CCDC192: variants seen among roughly 807,000 people sequenced by gnomAD.
CCDC192 encodes coiled-coil domain containing 192.
At chr5:127,918,919 GTA>G (rs899670038) in intron 6 of CCDC192, among the ~76,000 whole-genome samples, 6 of 151,608 alleles carry the variant, frequency 4.0e-5, no homozygotes, top group East Asian at 3.9e-4. Flanking sequence ...GCATATGTGT[GTA>G]TATGTGTGTC....
intron 5 of CCDC192, among the ~76,000 whole-genome samples, chr5:127,799,614 T>C (rs1757371030): frequency 6.6e-6 from 1 of 152,178 alleles, no homozygotes; most frequent in South Asian, 2.1e-4. Flanking sequence ...AAAGCTCAGA[T>C]ATTAGCTTCC....
At chr5:127,874,876 AATCCTTTG>A (rs1752006573) in intron 5 of CCDC192, among the ~76,000 whole-genome samples, 1 of 152,218 alleles carries the variant, frequency 6.6e-6, no homozygotes, top group Non-Finnish European at 1.5e-5. Flanking sequence ...TCTCGAGGTG[AATCCTTTG>A]ATTATGTAAC....
intron 3 of CCDC192, among the ~76,000 whole-genome samples, chr5:127,758,056 G>C (rs988194567): frequency 4.6e-5 from 7 of 151,962 alleles, no homozygotes; most frequent in Admixed American, 4.6e-4. Flanking sequence ...AGCAGTGGAA[G>C]CTTGCAATAT....
chr5:127,862,035 T>C (rs1424321952), intron 5 of CCDC192, among the ~76,000 whole-genome samples: 6 of 152,210 alleles, frequency 3.9e-5, no homozygotes, highest in African/African-American at 9.6e-5. Flanking sequence ...GGGTTTTTTT[T>C]CTCCAAGTCA....
At chr5:127,864,554 T>C (rs1034800753) in intron 5 of CCDC192, among the ~76,000 whole-genome samples, 1 of 152,218 alleles carries the variant, frequency 6.6e-6, no homozygotes, top group Non-Finnish European at 1.5e-5. Flanking sequence ...ATTAACAAGA[T>C]AGTCCTTGAA....
intron 3 of CCDC192, among the ~76,000 whole-genome samples, chr5:127,773,979 G>A (rs777372200): frequency 2.6e-5 from 4 of 152,030 alleles, no homozygotes; most frequent in Admixed American, 6.6e-5. Flanking sequence ...GTAGAATCTC[G>A]CTGTGGTTTT....
chr5:127,737,849 A>C (rs1177669646), intron 2 of CCDC192, among the ~76,000 whole-genome samples: 1 of 152,056 alleles, frequency 6.6e-6, no homozygotes, highest in African/African-American at 2.4e-5. Flanking sequence ...GGGTTTCCTG[A>C]ATACAGCACA....
At chr5:127,709,201 GGGAGAGAGAGAGAGAGAGAGAGAGA>G (rs1325431237) in intron 2 of CCDC192, among the ~76,000 whole-genome samples, 1,212 of 101,082 alleles carry the variant, frequency 0.012, 20 homozygotes, top group African/African-American at 0.022. Flanking sequence ...TGGAGAGAGG[GGGAGAGAGAGAGAGAGAGAGAGAGA>G]GAGAGAGAGA....
intron 2 of CCDC192, among the ~76,000 whole-genome samples, chr5:127,718,818 A>T (rs1751792563): frequency 6.6e-6 from 1 of 152,174 alleles, no homozygotes; most frequent in Admixed American, 6.5e-5. Flanking sequence ...AAATATTTTG[A>T]TACAGGCATA....
At chr5:127,918,216 TAAAAAA>T (rs1219307107) in intron 6 of CCDC192, among the ~76,000 whole-genome samples, 5 of 100,404 alleles carry the variant, frequency 5.0e-5, no homozygotes, top group East Asian at 5.3e-4. Context: ...CTTCAATTTG[TAAAAAA>T]AAAAAAAAAA....
At chr5:127,724,551 G>A (rs1418750621) in intron 2 of CCDC192, among the ~76,000 whole-genome samples, 1 of 151,934 alleles carries the variant, frequency 6.6e-6, no homozygotes, top group Non-Finnish European at 1.5e-5. Flanking sequence ...TTGGTTTGTG[G>A]TTTAAAAAAA....
intron 5 of CCDC192, among the ~76,000 whole-genome samples, chr5:127,874,109 G>C (rs1751972122): frequency 6.6e-6 from 1 of 152,070 alleles, no homozygotes; most frequent in Non-Finnish European, 1.5e-5. Flanking sequence ...ACACCCAGAG[G>C]ATGCATTCTA....
At chr5:127,731,167 T>C (rs188079769) in intron 2 of CCDC192, among the ~76,000 whole-genome samples, 68 of 152,158 alleles carry the variant, frequency 4.5e-4, no homozygotes, top group Admixed American at 1.0e-3. Flanking sequence ...TTCAGCAAAA[T>C]CTCAGGATAC....
chr5:127,864,108 C>T (rs1044015695), intron 5 of CCDC192, among the ~76,000 whole-genome samples: 1 of 152,132 alleles, frequency 6.6e-6, no homozygotes, highest in Non-Finnish European at 1.5e-5. Context: ...CCCACTATTA[C>T]AAAGGATGAT....
intron 2 of CCDC192, among the ~76,000 whole-genome samples, chr5:127,710,587 A>G (rs1289823649): frequency 1.3e-5 from 2 of 152,176 alleles, no homozygotes; most frequent in African/African-American, 4.8e-5. Flanking sequence ...TTCAGACATC[A>G]AAATGGCTCT....
At chr5:127,709,687 A>G (rs1176666624) in intron 2 of CCDC192, among the ~76,000 whole-genome samples, 1 of 152,234 alleles carries the variant, frequency 6.6e-6, no homozygotes, top group African/African-American at 2.4e-5. Flanking sequence ...TCAGTTAAAA[A>G]TGTATTTTCT....
At position 127,797,752 on chromosome 5, in the gene CCDC192, TATATATATATATATATATA is replaced by T. The variant is rs1561494042; in HGVS notation, c.355-353_355-335del. Reference sequence around the variant, plus strand: ...GAAGGTATATATATATATATATATATATATATATATATATATATATATATATTTATTTATTTATTTATTT... The same window carrying T: ...GAAGGTATATATATATATATATATATTATATATTTATTTATTTATTTATTT... On this transcript the variant is annotated intron_variant, in intron 4 of 6. Transcript: ENST00000514853. 7.1e-4 allele frequency among the ~76,000 whole-genome samples: 97 copies of T among 137,034 alleles called. 1 individual carries two copies. The highest frequency in any genetic ancestry group is 3.7e-3 in the Middle Eastern group (1 of 268). The allele number at this position is 137,034 out of a possible 152,430, so 89.9% of individuals were successfully genotyped here.
At chr5:127,797,753 ATATATATATATATATATATATATATT>A (rs1248242926) in intron 4 of CCDC192, among the ~76,000 whole-genome samples, 1 of 24,584 alleles carries the variant, frequency 4.1e-5, no homozygotes, top group Admixed American at 5.7e-4. Context: ...ATATATATAT[ATATATATATATATATATATATATATT>A]TATTTATTTA....
intron 5 of CCDC192, among the ~76,000 whole-genome samples, chr5:127,824,359 G>A (rs1009001783): frequency 2.6e-5 from 4 of 152,176 alleles, no homozygotes; most frequent in African/African-American, 7.2e-5. Context: ...CTGTTTAAGC[G>A]TGCCAGCTGG....
Sources: allele counts gnomAD v4.1 joint callset (sites outside exome capture counted in the v4.1 genomes callset), GRCh38; gene constraint gnomAD v4.1.1; transcripts MANE v1.5; gene names NCBI Gene and HGNC (gene_info 2026-07-23, HGNC 2026-07-21).